The following BRIP1 variants were observed in gnomAD, a reference collection of about 807,000 sequenced individuals.
BRIP1 encodes Fanconi anemia group J protein.
Under a neutral mutation model 119.7 loss-of-function variants are expected in BRIP1, and 88 were observed. The ratio of observed to expected loss-of-function variants is 0.74; its 90% CI spans 0.62 to 0.88. BRIP1 has a LOEUF of 0.88. Among genes scored for constraint, BRIP1 ranks in the 40% least tolerant of loss-of-function variants. The pLI, the probability that BRIP1 is intolerant of heterozygous loss-of-function variation, is 0.00. For missense variants in BRIP1, 1,259 were observed against 1,455.4 expected, an observed-to-expected ratio of 0.87 and a Z score of 2.20; for synonymous variants, 443 against 496.5, an observed-to-expected ratio of 0.89 and a Z score of 1.43.
intron 17 of BRIP1, among the ~76,000 whole-genome samples, chr17:61,711,595 G>A (rs2061775705): frequency 1.3e-5 from 2 of 151,960 alleles, no homozygotes; most frequent in Admixed American, 6.5e-5. Context: ...GTGGCTGGGT[G>A]TGGTGGCTCA....
At position 61,852,885 on chromosome 17, in the gene BRIP1, G is replaced by A. The variant is rs2078842451; in HGVS notation, c.380-3629C>T. ...ACAACTTTCATATACTGCTGCAGGG[G>A]TTGGAGGGATCTGACCGGGGACGCA... On this transcript the variant is annotated intron_variant, in intron 4 of 19. Coordinates refer to ENST00000259008, the MANE Select transcript of BRIP1 (RefSeq NM_032043.3). The surrounding 1 kb of genome is among the most constrained non-coding windows in gnomAD (Gnocchi z 4.9). Among the ~76,000 whole-genome samples, 1 of 152,100 alleles carries A rather than the reference G, an allele frequency of 6.6e-6. No homozygotes were observed.
Position 61,720,024 on chromosome 17 carries a change from TG to T in BRIP1, c.2380-3962del, listed in dbSNP as rs1300528764. ...TTTTCTTTTTTAATTTTTATAGAGATGGATTCTTGCTATGTTGCCTATGATG... is the reference window on the plus strand; with the variant it reads ...TTTTCTTTTTTAATTTTTATAGAGATGATTCTTGCTATGTTGCCTATGATG... On this transcript the variant is annotated intron_variant, in intron 16 of 19. Transcript: ENST00000259008. The surrounding 1 kb of genome is among the most constrained non-coding windows in gnomAD (Gnocchi z 4.3). 6.6e-6 allele frequency among the ~76,000 whole-genome samples: 1 copy of T among 152,078 alleles called. No homozygotes were observed. The highest frequency in any genetic ancestry group is 1.5e-5 in the Non-Finnish European group (1 of 68,010).
rs927640003 is a variant in BRIP1 at position 61,679,227 on chromosome 17, T to C, written c.*4069A>G. ...GGGAAAAGCTTTTTGTTAAAATTAATGTTTTGAATAGAAAGATCTTAACAA... is the reference window on the plus strand; with the variant it reads ...GGGAAAAGCTTTTTGTTAAAATTAACGTTTTGAATAGAAAGATCTTAACAA... On this transcript the variant is annotated 3_prime_UTR_variant, in exon 20 of 20. Transcript: ENST00000259008. The surrounding 1 kb of genome is among the most constrained non-coding windows in gnomAD (Gnocchi z 4.4). Among the ~76,000 whole-genome samples, 12 of 152,226 alleles carry C rather than the reference T, an allele frequency of 7.9e-5. No individual in the cohort carries two copies. Among genetic ancestry groups the C allele is most frequent in the African/African-American group, 2.7e-4 (11 of 41,470 alleles).
chr17:61,715,201 C>CAATAAT (rs576020293), intron 17 of BRIP1, among the ~76,000 whole-genome samples: 5 of 149,892 alleles, frequency 3.3e-5, no homozygotes, highest in South Asian at 2.1e-4. Context: ...CTGTCTAAAA[C>CAATAAT]AATAATAATA....
chr17:61,743,142 A>G lies in BRIP1; in HGVS notation c.2258-8T>C, dbSNP rs2077009801. ...CTACCAGGAGAGCTCCATCTTAAAC[A>G]ACAGAAAAAAGCATATCCAAAATTC... On this transcript the variant is annotated splice_region_variant and splice_polypyrimidine_tract_variant and intron_variant, in intron 15 of 19. Transcript: ENST00000259008. The surrounding 1 kb of genome is among the most constrained non-coding windows in gnomAD (Gnocchi z 4.3). The G allele has an allele frequency of 6.2e-7, 1 of 1,613,790 alleles. No individual in the cohort carries two copies. Among genetic ancestry groups the G allele is most frequent in the Non-Finnish European group, 8.5e-7 (1 of 1,179,828 alleles).
rs1412983136 is a variant in BRIP1 at position 61,767,674 on chromosome 17, C to T, written c.2097+8727G>A. ...CAAACTCCTGAGCTCAGGCAATCCA[C>T]CCACCTTGGCCTCCCAAAGTGCTGG... On this transcript the variant is annotated intron_variant, in intron 14 of 19. Coordinates refer to ENST00000259008, the MANE Select transcript of BRIP1 (RefSeq NM_032043.3). This position sits in a 1 kb window ranked among gnomAD's most constrained non-coding sequence, Gnocchi z 5.7. 2.0e-5 allele frequency among the ~76,000 whole-genome samples: 3 copies of T among 152,148 alleles called. No individual in the cohort carries two copies. The highest frequency in any genetic ancestry group is 6.5e-5 in the Admixed American group (1 of 15,274).
Position 61,813,089 on chromosome 17 carries a change from T to C in BRIP1, c.628-4332A>G, listed in dbSNP as rs528387577. On this transcript the variant is annotated intron_variant, in intron 6 of 19. Transcript: ENST00000259008. The stretch of plus-strand genomic sequence containing the variant: ...CTAATTTCATTGCCAAAGAAGAAGT[T>C]CCTTTGCTAACTGTAAATCAGGAGA... Among the ~76,000 whole-genome samples, 3 of 152,204 alleles carry C rather than the reference T, an allele frequency of 2.0e-5. No individual in the cohort carries two copies. In the East Asian group the frequency reaches 5.8e-4, roughly 29 times the overall value.
At position 61,739,235 on chromosome 17, in the gene BRIP1, T is replaced by C. The variant is rs914673341; in HGVS notation, c.2379+3778A>G. 5.1e-6 allele frequency: 1 copy of C among 194,324 alleles called. No homozygotes were observed. The highest frequency in any genetic ancestry group is 1.1e-5 in the Non-Finnish European group (1 of 93,014). The allele number at this position is 194,324 out of a possible 1,614,324, so 12.0% of individuals were successfully genotyped here. On this transcript the variant is annotated intron_variant, in intron 16 of 19. Transcript: ENST00000259008. This position sits in a 1 kb window ranked among gnomAD's most constrained non-coding sequence, Gnocchi z 6.0. ...CCAGTACCAACAGCAGTGCCATCAG[T>C]AGCACTCTACTTCAGTGGAATGCAG... is the stretch of plus-strand genomic sequence containing the variant.
intron 16 of BRIP1, among the ~76,000 whole-genome samples, chr17:61,731,197 G>T (rs530223102): frequency 6.6e-6 from 1 of 152,178 alleles, no homozygotes; most frequent in East Asian, 1.9e-4. Flanking sequence ...TTCTATATCT[G>T]TGATGGAACC....
At chr17:61,826,916 A>G (rs908472233) in intron 6 of BRIP1, among the ~76,000 whole-genome samples, 1 of 152,172 alleles carries the variant, frequency 6.6e-6, no homozygotes, top group African/African-American at 2.4e-5. Flanking sequence ...CAATCCCATT[A>G]CTGGGTATAT....
In BRIP1 at chr17:61,848,176, TTTTA is replaced by T. The variant is rs1446260733; in HGVS notation, c.507+949_507+952del. 6.9e-6 allele frequency among the ~76,000 whole-genome samples: 1 copy of T among 144,728 alleles called. No individual in the cohort carries two copies. The highest frequency in any genetic ancestry group is 2.5e-5 in the African/African-American group (1 of 40,554). 94.9% of individuals were successfully genotyped at this position (144,728 alleles called of 152,430 possible). A position where few individuals can be genotyped will look rare whatever the true frequency, so the allele number is the denominator to read the frequency against. ...AATTAATAATTTTTTTATTTTATGT[TTTTA>T]TTTATTTATTTTTTAGAGACAGGGT... On this transcript the variant is annotated intron_variant, in intron 5 of 19. Transcript: ENST00000259008. The surrounding 1 kb of genome is among the most constrained non-coding windows in gnomAD (Gnocchi z 4.3).
chr17:61,769,256 G>A lies in BRIP1; in HGVS notation c.2097+7145C>T, dbSNP rs1450995329. Among the ~76,000 whole-genome samples, 16 of 152,206 alleles carry A rather than the reference G, an allele frequency of 1.1e-4. No homozygotes were observed. Among genetic ancestry groups the A allele is most frequent in the Admixed American group, 9.8e-4 (15 of 15,278 alleles). On this transcript the variant is annotated intron_variant, in intron 14 of 19. Transcript: ENST00000259008. This position sits in a 1 kb window ranked among gnomAD's most constrained non-coding sequence, Gnocchi z 4.9. ...CCCAGACTCCTGACCCACAGAAAGAGTAAGATGATAAATGTGTACTGTTTT... is the reference window on the plus strand; with the variant it reads ...CCCAGACTCCTGACCCACAGAAAGAATAAGATGATAAATGTGTACTGTTTT...
Position 61,686,106 on chromosome 17 carries a change from C to G in BRIP1, c.2635G>C (p.Glu879Gln), listed in dbSNP as rs1391013628. ...TTTTTGGAAAATTCAGCCAAGGATTCCAGTGCACTTTCAAAGGTTGAATGG... is the reference window on the plus strand; with the variant it reads ...TTTTTGGAAAATTCAGCCAAGGATTGCAGTGCACTTTCAAAGGTTGAATGG... The part of the protein sequence containing the change: ...QHHSTFESAL[E>Q]SLAEFSKKHQ... Residue 879 changes from glutamate to glutamine, a missense_variant, in exon 19 of 20, where the codon GAA (glutamate) becomes CAA (glutamine). Around this residue, in one of 3 missense-constraint regions of BRIP1, gnomAD observed 753 missense variants for 891.8 expected, o/e 0.84. Transcript: ENST00000259008. This position sits in a 1 kb window ranked among gnomAD's most constrained non-coding sequence, Gnocchi z 5.4. 1 of 1,614,008 alleles carries G rather than the reference C, an allele frequency of 6.2e-7. No homozygotes were observed. Among genetic ancestry groups the G allele is most frequent in the Non-Finnish European group, 8.5e-7 (1 of 1,179,928 alleles).
chr17:61,816,244 G>C lies in BRIP1; in HGVS notation c.628-7487C>G, dbSNP rs1467552403. 6.6e-6 allele frequency among the ~76,000 whole-genome samples: 1 copy of C among 152,190 alleles called. No homozygotes were observed. The stretch of plus-strand genomic sequence containing the variant: ...GGGGATCAGATACAGTGTCAGGTGA[G>C]AGTGTGTAATACAAATCCACAACTT... On this transcript the variant is annotated intron_variant, in intron 6 of 19. Transcript: ENST00000259008. The surrounding 1 kb of genome is among the most constrained non-coding windows in gnomAD (Gnocchi z 5.0).
chr17:61,781,054 T>C (rs372753779), intron 11 of BRIP1, 49 bp from the exon 12 acceptor site: 8 of 1,565,888 alleles, frequency 5.1e-6, no homozygotes, highest in Non-Finnish European at 6.1e-6. Flanking sequence ...TTAAAACCTA[T>C]GACCCAGCTA....
chr17:61,823,464 C>T lies in BRIP1; in HGVS notation c.628-14707G>A, dbSNP rs1216342494. Among the ~76,000 whole-genome samples, 1 of 152,008 alleles carries T rather than the reference C, an allele frequency of 6.6e-6. No individual in the cohort carries two copies. The highest frequency in any genetic ancestry group is 2.4e-5 in the African/African-American group (1 of 41,372). On this transcript the variant is annotated intron_variant, in intron 6 of 19. Coordinates refer to ENST00000259008, the MANE Select transcript of BRIP1 (RefSeq NM_032043.3). This position sits in a 1 kb window ranked among gnomAD's most constrained non-coding sequence, Gnocchi z 4.8. ...AAACACAATAACTGAAAAGAAAAAT[C>T]CACTAGTAAGATTTAACACCAAATT... is the stretch of plus-strand genomic sequence containing the variant.
intron 10 of BRIP1, among the ~76,000 whole-genome samples, chr17:61,788,422 T>C (rs753658859): frequency 1.3e-5 from 2 of 152,162 alleles, no homozygotes; most frequent in African/African-American, 4.8e-5. Flanking sequence ...ATAAATACAG[T>C]GCAATTACAA....
chr17:61,765,408 TATATATATA>T (rs2077350297), intron 14 of BRIP1, among the ~76,000 whole-genome samples: 2 of 17,246 alleles, frequency 1.2e-4, no homozygotes, highest in Non-Finnish European at 2.5e-4. Context: ...TATATATATA[TATATATATA>T]TATATATTTT....
At position 61,834,376 on chromosome 17, in the gene BRIP1, C is replaced by T. The variant is rs1378530270; in HGVS notation, c.627+12725G>A. ...ACCTGATTGCAGGAGTGAGCCACCACGCTCGGCCCAATAATTACGATTTTT... is the reference window on the plus strand; with the variant it reads ...ACCTGATTGCAGGAGTGAGCCACCATGCTCGGCCCAATAATTACGATTTTT... On this transcript the variant is annotated intron_variant, in intron 6 of 19. Transcript: ENST00000259008. The surrounding 1 kb of genome is among the most constrained non-coding windows in gnomAD (Gnocchi z 4.4). Among the ~76,000 whole-genome samples the T allele has an allele frequency of 6.6e-6, 1 of 152,038 alleles. No individual in the cohort carries two copies.
Sources: allele counts gnomAD v4.1 joint callset (sites outside exome capture counted in the v4.1 genomes callset), GRCh38; gene constraint gnomAD v4.1.1; regional missense constraint gnomAD v4.1.1; non-coding constraint Gnocchi (gnomAD v3.1); transcripts MANE v1.5; gene names NCBI Gene and HGNC (gene_info 2026-07-23, HGNC 2026-07-21).